KIF26A: variants seen among roughly 807,000 people sequenced by gnomAD.
The protein encoded by KIF26A is kinesin family member 26A.
Under a neutral mutation model 126.0 loss-of-function variants are expected in KIF26A, and 74 were observed. That is an observed-to-expected ratio of 0.59 (90% CI 0.49 to 0.71). KIF26A has a LOEUF of 0.71. Ranked by LOEUF, KIF26A falls within the 30% of genes least tolerant of loss-of-function variation. The pLI is 0.00. For synonymous variants in KIF26A, 1,445 were observed against 1,232.7 expected (o/e 1.17, Z -3.61); for missense variants, 2,984 against 2,763.3 (o/e 1.08, Z -1.79).
At chr14:104,159,019 G>A (rs905331326) in intron 4 of KIF26A, among the ~76,000 whole-genome samples, 2 of 152,216 alleles carry the variant, frequency 1.3e-5, no homozygotes, top group Non-Finnish European at 2.9e-5. Context: ...CGGCCCTGGG[G>A]ACCGTGTGGT....
In KIF26A at chr14:104,152,578, A is replaced by G. The variant is rs966096187; in HGVS notation, c.735+117A>G. On this transcript the variant is annotated intron_variant, in intron 3 of 14. Coordinates refer to ENST00000423312, the MANE Select transcript of KIF26A (RefSeq NM_015656.2). The surrounding 1 kb of genome is among the most constrained non-coding windows in gnomAD (Gnocchi z 5.9). ...AGTAAGGCTTCCCTGAAGGGAGGGG[A>G]CGGCGGGCATGGGGGTTCCTGACAC... is the stretch of plus-strand genomic sequence containing the variant. The G allele has an allele frequency of 9.9e-7, 1 of 1,013,990 alleles. No homozygotes were observed. The highest frequency in any genetic ancestry group is 2.7e-5 in the East Asian group (1 of 37,654). The allele number at this position is 1,013,990 out of a possible 1,614,324, so 62.8% of individuals were successfully genotyped here. A position where few individuals can be genotyped will look rare whatever the true frequency, so the allele number is the denominator to read the frequency against.
chr14:104,161,648 G>A (rs1325939168), intron 4 of KIF26A, among the ~76,000 whole-genome samples: 1 of 152,224 alleles, frequency 6.6e-6, no homozygotes, highest in African/African-American at 2.4e-5. Flanking sequence ...GCTCACGCGT[G>A]TTCTGAGCTT....
At position 104,152,215 on chromosome 14, in the gene KIF26A, C is replaced by T; in HGVS notation, c.489C>T (p.Pro163=). ...DAPHGGPSLA[P]PSTTTSSRDT... ...CCCATGGAGGCCCCAGCCTCGCACC[C>T]CCCAGCACCACGACCAGCTCGAGGG... is the stretch of plus-strand genomic sequence containing the variant. The change falls in exon 3 of 15, where the codon CCC becomes CCT. Residue 163 remains proline (P), a synonymous_variant. Coordinates refer to ENST00000423312, the MANE Select transcript of KIF26A (RefSeq NM_015656.2). This position sits in a 1 kb window ranked among gnomAD's most constrained non-coding sequence, Gnocchi z 5.9. The T allele has an allele frequency of 6.2e-7, 1 of 1,602,012 alleles. No homozygotes were observed. Among genetic ancestry groups the T allele is most frequent in the Non-Finnish European group, 8.5e-7 (1 of 1,176,048 alleles).
At chr14:104,147,982 G>T (rs541713528) in intron 2 of KIF26A, among the ~76,000 whole-genome samples, 5 of 152,226 alleles carry the variant, frequency 3.3e-5, no homozygotes, top group African/African-American at 1.2e-4. Flanking sequence ...GTCTGATGGC[G>T]TGGCGTCTCT....
rs111766447 is a variant in KIF26A, at chr14:104,180,116, G to T, written c.*326G>T. On this transcript the variant is annotated 3_prime_UTR_variant, in exon 15 of 15. Transcript: ENST00000423312. Reference sequence around the variant, plus strand: ...GTTGTGTTCAGCCCGGCCCCGCTGCGCCTGTCCGGGCCGGGGCTGGCGCCG... The same window carrying T: ...GTTGTGTTCAGCCCGGCCCCGCTGCTCCTGTCCGGGCCGGGGCTGGCGCCG... The T allele has an allele frequency of 2.2e-5, 6 of 269,838 alleles. No individual in the cohort carries two copies. The highest frequency in any genetic ancestry group is 6.7e-5 in the East Asian group (1 of 14,986). The allele number at this position is 269,838 out of a possible 1,614,324, so 16.7% of individuals were successfully genotyped here.
At chr14:104,156,529 T>C (rs1035132218) in intron 3 of KIF26A, among the ~76,000 whole-genome samples, 43 of 152,316 alleles carry the variant, frequency 2.8e-4, no homozygotes, top group Non-Finnish European at 5.1e-4. Flanking sequence ...TGGGGCTCCC[T>C]GTGAACTTCC....
rs2141095033 is a variant in KIF26A at position 104,152,074 on chromosome 14, C to T, written c.348C>T (p.Ala116=). 6.2e-7 allele frequency: 1 copy of T among 1,612,694 alleles called. No individual in the cohort carries two copies. The highest frequency in any genetic ancestry group is 8.5e-7 in the Non-Finnish European group (1 of 1,179,794). ...DKLPAPGALP[A]CRPEAERRCD... ...TACCAGCACCTGGGGCCCTGCCAGC[C>T]TGTCGCCCAGAGGCCGAGCGCCGCT... Residue 116 remains alanine (A), a synonymous_variant, in exon 3 of 15, where the codon GCC becomes GCT. Transcript: ENST00000423312. This position sits in a 1 kb window ranked among gnomAD's most constrained non-coding sequence, Gnocchi z 5.9.
At position 104,138,649 on chromosome 14, in the gene KIF26A, A is replaced by G; in HGVS notation, c.-74A>G. 1 of 1,175,572 alleles carries G rather than the reference A, an allele frequency of 8.5e-7. No individual in the cohort carries two copies. The highest frequency in any genetic ancestry group is 2.7e-5 in the South Asian group (1 of 36,374). The allele number at this position is 1,175,572 out of a possible 1,614,324, so 72.8% of individuals were successfully genotyped here. On this transcript the variant is annotated 5_prime_UTR_variant, in exon 1 of 15. Coordinates refer to ENST00000423312, the MANE Select transcript of KIF26A (RefSeq NM_015656.2). Reference sequence around the variant, plus strand: ...GGCCATGGGGGCGCCTCGGGGCCGGATCACGTAGCCGCGGCGCCCCCGGAG... The same window carrying G: ...GGCCATGGGGGCGCCTCGGGGCCGGGTCACGTAGCCGCGGCGCCCCCGGAG...
At chr14:104,145,424 G>T (rs35956368) in intron 2 of KIF26A, among the ~76,000 whole-genome samples, 69,781 of 151,914 alleles carry the variant, frequency 0.46, 17,147 homozygotes, top group Non-Finnish European at 0.54. Context: ...CAGCTGTAGG[G>T]CTGGGGATGG....
chr14:104,161,363 C>T (rs2037831248), intron 4 of KIF26A, among the ~76,000 whole-genome samples: 2 of 152,154 alleles, frequency 1.3e-5, no homozygotes, highest in Non-Finnish European at 2.9e-5. Context: ...AGTGTGGAAG[C>T]TCTGGGTTGG....
rs750688012 is a variant in KIF26A at position 104,167,027 on chromosome 14, C to T, written c.1092C>T (p.Asp364=). The T allele has an allele frequency of 3.8e-5, 60 of 1,570,240 alleles. 2 individuals carry two copies. The South Asian group carries it at 6.8e-4, about 18-fold the overall frequency. Residue 364 remains aspartate (D), a synonymous_variant, in exon 5 of 15, where the codon GAC becomes GAT. Transcript: ENST00000423312. ...CLLRAASKTK[D]NPGSIGKVKV... The stretch of plus-strand genomic sequence containing the variant: ...TCAGGGCCGCCTCCAAGACCAAGGA[C>T]AACCCTGGCAGCATCGGGAAGGTAG...
At chr14:104,179,520 T>C (rs1464764778) in intron 14 of KIF26A, 89 bp from the exon 15 acceptor site, 2 of 1,433,230 alleles carry the variant, frequency 1.4e-6, no homozygotes, top group Non-Finnish European at 1.8e-6. Flanking sequence ...CGGGCCAAGA[T>C]GCCTTTCCTG....
Position 104,176,752 on chromosome 14 carries a change from TG to T in KIF26A, c.3968del (p.Gly1323GlufsTer14). On this transcript the variant is annotated frameshift_variant, in exon 12 of 15. Coordinates refer to ENST00000423312, the MANE Select transcript of KIF26A (RefSeq NM_015656.2). LOFTEE classifies it high-confidence loss of function. ...GGGTGTGACAACGCCAGCTGTGTCC[TG>T]GGGAGATGCTCCCACGGAGGTGGTG... is the stretch of plus-strand genomic sequence containing the variant. Reference protein sequence around the residue: ...TLGVTTPAVSWGDAPTEVVAC... With the variant: ...TLGVTTPAVSXGDAPTEVVAC... The T allele has an allele frequency of 6.3e-7, 1 of 1,587,062 alleles. No homozygotes were observed. The highest frequency in any genetic ancestry group is 8.6e-7 in the Non-Finnish European group (1 of 1,168,196).
chr14:104,140,286 C>G (rs1481030220), intron 2 of KIF26A, among the ~76,000 whole-genome samples: 1 of 152,068 alleles, frequency 6.6e-6, no homozygotes, highest in Admixed American at 6.5e-5. Flanking sequence ...CTCTCTGGCT[C>G]AGGCCAGGCG....
At position 104,176,663 on chromosome 14, in the gene KIF26A, G is replaced by A; in HGVS notation, c.3875G>A (p.Arg1292Lys). The change falls in exon 12 of 15, where the codon AGG becomes AAG. Residue 1292 changes from arginine (R) to lysine (K), a missense_variant. Physicochemically the swap from Arg to Lys is conservative, Grantham distance 26. Transcript: ENST00000423312. ...GTGGACGGGTGTGAGGTGGCAGCCA[G>A]GGCGGCCCGCAGGCCAGAGGCTGTG... ...RVVDGCEVAARAARRPEAVAR... is the reference protein window; with the variant it reads ...RVVDGCEVAAKAARRPEAVAR... 1 of 1,599,966 alleles carries A rather than the reference G, an allele frequency of 6.3e-7. No homozygotes were observed. The highest frequency in any genetic ancestry group is 8.5e-7 in the Non-Finnish European group (1 of 1,173,130).
chr14:104,179,239 C>G lies in KIF26A; in HGVS notation c.5320C>G (p.Leu1774Val), dbSNP rs370392844. ...PTPREAPTQG[L>V]ACVSTRLRLA... The stretch of plus-strand genomic sequence containing the variant: ...CCCCGCCCGCCCTGCCTCCCAGGGT[C>G]TGGCGTGCGTCAGTACAAGGCTGCG... Residue 1774 changes from leucine (L) to valine (V), a missense_variant, in exon 14 of 15, where the codon CTG becomes GTG. Physicochemically the swap from Leu to Val is conservative, Grantham distance 32. Transcript: ENST00000423312. 8.2e-4 allele frequency: 1,223 copies of G among 1,485,324 alleles called. 21 individuals carry two copies. In the South Asian group the frequency reaches 0.014, roughly 17 times the overall value. 92.0% of individuals were successfully genotyped at this position (1,485,324 alleles called of 1,614,324 possible). A position where few individuals can be genotyped will look rare whatever the true frequency, so the allele number is the denominator to read the frequency against.
At chr14:104,157,623 C>T in intron 3 of KIF26A, 132 bp from the exon 4 acceptor site, 1 of 1,011,454 alleles carries the variant, frequency 9.9e-7, no homozygotes, top group Non-Finnish European at 1.4e-6. Flanking sequence ...AGGCTGGGCC[C>T]TGGGGGTGCA....
Position 104,173,494 on chromosome 14 carries a change from G to A in KIF26A, c.1848G>A (p.Glu616=). The change falls in exon 9 of 15, where the codon GAG becomes GAA. Residue 616 remains glutamate, a synonymous_variant. Transcript: ENST00000423312. ...TGCACGTCTACCAGTACCGCATGGA[G>A]AAGTGCGGCCGGGGAGGAAGTAGGT... ...FTLHVYQYRM[E]KCGRGGMSGG... 6.4e-7 allele frequency: 1 copy of A among 1,570,454 alleles called. No individual in the cohort carries two copies. The highest frequency in any genetic ancestry group is 8.7e-7 in the Non-Finnish European group (1 of 1,154,026).
chr14:104,177,627 C>T lies in KIF26A; in HGVS notation c.4839C>T (p.Tyr1613=), dbSNP rs1431529498. 1.7e-5 allele frequency: 26 copies of T among 1,526,932 alleles called. No homozygotes were observed. The highest frequency in any genetic ancestry group is 2.5e-5 in the East Asian group (1 of 40,584). 94.6% of individuals were successfully genotyped at this position (1,526,932 alleles called of 1,614,324 possible). The change falls in exon 12 of 15, where the codon TAC becomes TAT. Residue 1613 remains tyrosine, a synonymous_variant. Transcript: ENST00000423312. ...CGGGCCCGGCCCTGCCCTCCCCCTA[C>T]AGCAAGGTGACCGCCCCACGGCGGC... ...PPTGPALPSP[Y]SKVTAPRRPQ...
Sources: allele counts gnomAD v4.1 joint callset (sites outside exome capture counted in the v4.1 genomes callset), GRCh38; gene constraint gnomAD v4.1.1; non-coding constraint Gnocchi (gnomAD v3.1); transcripts MANE v1.5; gene names NCBI Gene and HGNC (gene_info 2026-07-23, HGNC 2026-07-21).